The following NCOA2 variants were observed in gnomAD, a reference collection of about 807,000 sequenced individuals.
The protein encoded by NCOA2 is nuclear receptor coactivator 2, also known as class E basic helix-loop-helix protein 75.
In NCOA2, 21 loss-of-function variants were observed where a neutral mutation model predicts 145.1. The ratio of observed to expected loss-of-function variants is 0.14; its 90% CI spans 0.10 to 0.21. The LOEUF is 0.21. Ranked by LOEUF, NCOA2 falls within the 10% of genes least tolerant of loss-of-function variation. The pLI is 1.00. For missense variants in NCOA2, 1,472 were observed against 1,837.6 expected (o/e 0.80, Z 3.64); for synonymous variants, 619 against 637.5 (o/e 0.97, Z 0.44).
At chr8:70,151,292 C>CTT (rs148583371) in intron 11 of NCOA2, among the ~76,000 whole-genome samples, 5 of 144,868 alleles carry the variant, frequency 3.5e-5, no homozygotes, top group African/African-American at 5.0e-5. Context: ...CACACTTTTC[C>CTT]TTTTTTTTTT....
intron 2 of NCOA2, among the ~76,000 whole-genome samples, chr8:70,241,388 A>T (rs967732397): frequency 6.6e-6 from 1 of 152,064 alleles, no homozygotes; most frequent in African/African-American, 2.4e-5. Context: ...CCTTCCTCTA[A>T]AGCAGATTTC....
chr8:70,342,778 C>CAG (rs1808254147), intron 1 of NCOA2, among the ~76,000 whole-genome samples: 1 of 74,864 alleles, frequency 1.3e-5, no homozygotes, highest in Admixed American at 1.3e-4. Flanking sequence ...TGCAATTACA[C>CAG]ACACACACAC....
At chr8:70,387,823 C>T (rs968411605) in intron 1 of NCOA2, among the ~76,000 whole-genome samples, 17 of 152,248 alleles carry the variant, frequency 1.1e-4, no homozygotes, top group East Asian at 3.9e-4. Context: ...GAACTTCTGC[C>T]GCCATGCTGT....
rs535576217 is a variant in NCOA2 at position 70,183,432 on chromosome 8, T to C, written c.260-8573A>G. On this transcript the variant is annotated intron_variant, in intron 4 of 22. Coordinates refer to ENST00000452400, the MANE Select transcript of NCOA2 (RefSeq NM_006540.4). ...TAAATAGCTTAAAATATGAAAATTA[T>C]ATTTAAAAAGTTGTTTATAAAATTC... 2.0e-5 allele frequency among the ~76,000 whole-genome samples: 3 copies of C among 152,370 alleles called. No individual in the cohort carries two copies. In the South Asian group the frequency reaches 6.2e-4, roughly 32 times the overall value.
rs1404602224 is a variant in NCOA2, at chr8:70,156,345, C to T, written c.2020G>A (p.Gly674Ser). The T allele has an allele frequency of 6.2e-7, 1 of 1,613,906 alleles. No homozygotes were observed. Among genetic ancestry groups the T allele is most frequent in the Non-Finnish European group, 8.5e-7 (1 of 1,179,864 alleles). ...GAGGTTCCATGTGTAGACCCAGAAC[C>T]AGGCAAGCTACCTGTGGAGTCTTTG... ...TNKDSTGSLP[G>S]SGSTHGTSLK... The change falls in exon 11 of 23, where the codon GGT becomes AGT. Residue 674 changes from glycine (G) to serine (S), a missense_variant. Physicochemically the swap from Gly to Ser is moderately conservative, Grantham distance 56 (BLOSUM62 0). Transcript: ENST00000452400.
At chr8:70,240,911 A>G (rs902236168) in intron 2 of NCOA2, among the ~76,000 whole-genome samples, 5 of 152,136 alleles carry the variant, frequency 3.3e-5, no homozygotes, top group Admixed American at 6.6e-5. Context: ...AATCAATGCT[A>G]TTACATTAAA....
At chr8:70,387,920 G>A (rs1812820102) in intron 1 of NCOA2, among the ~76,000 whole-genome samples, 2 of 152,168 alleles carry the variant, frequency 1.3e-5, no homozygotes, top group Admixed American at 1.3e-4. Context: ...ACAGCCAGTA[G>A]GAAAGGCCAG....
intron 1 of NCOA2, among the ~76,000 whole-genome samples, chr8:70,349,403 A>G (rs1808968902): frequency 6.6e-6 from 1 of 152,214 alleles, no homozygotes; most frequent in African/African-American, 2.4e-5. Flanking sequence ...TATGTTACCA[A>G]AATTATCTCA....
intron 2 of NCOA2, among the ~76,000 whole-genome samples, chr8:70,280,002 T>G (rs1465307952): frequency 6.6e-6 from 1 of 152,236 alleles, no homozygotes; most frequent in African/African-American, 2.4e-5. Context: ...GAGTTGCATT[T>G]CTACACTTGC....
At chr8:70,279,790 C>T (rs1355069437) in intron 2 of NCOA2, among the ~76,000 whole-genome samples, 1 of 152,096 alleles carries the variant, frequency 6.6e-6, no homozygotes, top group African/African-American at 2.4e-5. Flanking sequence ...GTTAAAATGA[C>T]ATAAGGCAGA....
the NCOA2 span, among the ~76,000 whole-genome samples, chr8:70,447,146 ATAAT>A: frequency 6.6e-6 from 1 of 152,362 alleles, no homozygotes; most frequent in East Asian, 1.9e-4. Context: ...TGAGGAAAAT[ATAAT>A]TAAGAATGGC....
At chr8:70,430,369 C>A in the NCOA2 span, among the ~76,000 whole-genome samples, 3 of 152,158 alleles carry the variant, frequency 2.0e-5, no homozygotes, top group African/African-American at 7.2e-5. Flanking sequence ...CAATAATTAT[C>A]TTTACTTTTA....
rs998961747 is a variant in NCOA2, at chr8:70,141,403, C to T, written c.2813-4G>A. On this transcript the variant is annotated splice_region_variant and splice_polypyrimidine_tract_variant and intron_variant, in intron 13 of 22. Transcript: ENST00000452400. Reference sequence around the variant, plus strand: ...GAAGCACTGTTACCAATCATTCCTGCATGCAAGCCAAAGAAAACTGAGAGA... The same window carrying T: ...GAAGCACTGTTACCAATCATTCCTGTATGCAAGCCAAAGAAAACTGAGAGA... 1.2e-6 allele frequency: 2 copies of T among 1,612,756 alleles called. No individual in the cohort carries two copies. Among genetic ancestry groups the T allele is most frequent in the African/African-American group, 1.3e-5 (1 of 74,920 alleles).
intron 7 of NCOA2, among the ~76,000 whole-genome samples, chr8:70,164,062 T>C (rs1323895092): frequency 1.3e-5 from 2 of 152,160 alleles, no homozygotes; most frequent in Non-Finnish European, 2.9e-5. Context: ...AATACTACAA[T>C]GGCAACATGC....
At chr8:70,442,138 A>AGAAAGAAAGAAAGAAAGAAAGAAAGAAG in the NCOA2 span, among the ~76,000 whole-genome samples, 1 of 124,276 alleles carries the variant, frequency 8.0e-6, no homozygotes, top group African/African-American at 4.1e-5. Flanking sequence ...AAAGAAAGAA[A>AGAAAGAAAGAAAGAAAGAAAGAAAGAAG]GAAAGAAAGA....
At chr8:70,428,591 T>C in the NCOA2 span, among the ~76,000 whole-genome samples, 1 of 152,194 alleles carries the variant, frequency 6.6e-6, no homozygotes, top group Non-Finnish European at 1.5e-5. Context: ...GCCACTGCAC[T>C]TTACCTGGGT....
At chr8:70,138,084 A>G in intron 15 of NCOA2, 119 bp downstream of exon 15, 1 of 1,098,064 alleles carries the variant, frequency 9.1e-7, no homozygotes, top group Non-Finnish European at 1.3e-6. Flanking sequence ...CATGCACTGC[A>G]CAGTAGATAA....
chr8:70,278,037 A>G (rs1022555372), intron 2 of NCOA2, among the ~76,000 whole-genome samples: 7 of 152,206 alleles, frequency 4.6e-5, no homozygotes, highest in African/African-American at 1.2e-4. Flanking sequence ...GAAACCCTAT[A>G]TCCATTAGCA....
chr8:70,123,540 C>T (rs1563481404), intron 21 of NCOA2, among the ~76,000 whole-genome samples: 1 of 151,082 alleles, frequency 6.6e-6, no homozygotes, highest in Non-Finnish European at 1.5e-5. Flanking sequence ...CCCCCCCAAA[C>T]GATAACCCCC....
Sources: gnomAD v4.1 joint callset for allele counts (sites outside exome capture counted in the v4.1 genomes callset) on GRCh38, gnomAD v4.1.1 for gene constraint, MANE v1.5 for transcripts, NCBI Gene and HGNC (gene_info 2026-07-23, HGNC 2026-07-21) for gene names.